The following SYNE2 variants were observed in gnomAD, a reference collection of about 807,000 sequenced individuals.
SYNE2 encodes the protein nesprin-2.
Under a neutral mutation model 856.3 loss-of-function variants are expected in SYNE2, and 431 were observed. The ratio of observed to expected loss-of-function variants is 0.50; its 90% CI spans 0.47 to 0.55. The LOEUF (loss-of-function observed/expected upper bound fraction) is 0.55. SYNE2 is among the 20% of genes least tolerant of loss of function. The pLI is 0.00. For synonymous variants in SYNE2, 2,923 were observed against 2,872.3 expected, an observed-to-expected ratio of 1.02 and a Z score of -0.56; for missense variants, 8,129 against 8,023.2, an observed-to-expected ratio of 1.01 and a Z score of -0.50.
intron 60 of SYNE2, among the ~76,000 whole-genome samples, chr14:64,092,514 A>T (rs1197179785): frequency 6.6e-6 from 1 of 152,236 alleles, no homozygotes; most frequent in Non-Finnish European, 1.5e-5. Context: ...CACAGTGAAC[A>T]TAGTTATTCA....
At chr14:64,175,643 T>TG (rs1191449911) in intron 95 of SYNE2, among the ~76,000 whole-genome samples, 1 of 152,238 alleles carries the variant, frequency 6.6e-6, no homozygotes, top group Non-Finnish European at 1.5e-5. Flanking sequence ...CTCCCTGAAC[T>TG]ACTGTGCTCT....
intron 27 of SYNE2, 134 bp from the exon 28 acceptor site, chr14:64,000,428 G>A: frequency 3.6e-6 from 3 of 829,010 alleles, no homozygotes; most frequent in Non-Finnish European, 6.0e-6. Context: ...TGGTTGGAAA[G>A]TATTTTTAAA....
chr14:63,856,716 A>G lies in SYNE2; in HGVS notation c.-52+3573A>G, dbSNP rs536832593. Reference sequence around the variant, plus strand: ...ACATGTACAAAGGATCTGTGTCATAATGCCCCCTTTCCTACTTTCATCAAA... The same window carrying G: ...ACATGTACAAAGGATCTGTGTCATAGTGCCCCCTTTCCTACTTTCATCAAA... On this transcript the variant is annotated intron_variant, in intron 1 of 115. Coordinates refer to ENST00000555002, the MANE Select transcript of SYNE2 (RefSeq NM_182914.3). Among the ~76,000 whole-genome samples the G allele has an allele frequency of 2.0e-5, 3 of 152,248 alleles. No homozygotes were observed. The East Asian group carries it at 5.8e-4, about 29-fold the overall frequency.
chr14:64,052,852 A>C lies in SYNE2; in HGVS notation c.8939A>C (p.Glu2980Ala), dbSNP rs758685071. The change falls in exon 48 of 116, where the codon GAG becomes GCG. Residue 2980 changes from glutamate to alanine, a missense_variant. Glu to Ala is a moderately radical substitution (Grantham distance 107). Transcript: ENST00000555002. ...GAAGTAAATAAAGGTGTTAAAGAGG[A>C]GATCTATAATCTTAAAGACAGACTC... Reference protein sequence around the residue: ...NQEVNKGVKEEIYNLKDRLTA... With the variant: ...NQEVNKGVKEAIYNLKDRLTA... 6.2e-7 allele frequency: 1 copy of C among 1,613,726 alleles called. No homozygotes were observed. The highest frequency in any genetic ancestry group is 1.1e-5 in the South Asian group (1 of 90,822).
chr14:63,967,788 A>G lies in SYNE2; in HGVS notation c.1070A>G (p.Asp357Gly). Residue 357 changes from aspartate (D) to glycine (G), a missense_variant, in exon 11 of 116, where the codon GAT (aspartate) becomes GGT (glycine). Physicochemically the swap from Asp to Gly is moderately conservative, Grantham distance 94. Transcript: ENST00000555002. ...LDVLSIKRDL[D>G]ELDKDHLQLR... Reference sequence around the variant, plus strand: ...GTCCTGTCAATAAAACGGGATCTGGATGAGCTGGACAAGGATCATTTACAG... The same window carrying G: ...GTCCTGTCAATAAAACGGGATCTGGGTGAGCTGGACAAGGATCATTTACAG... 6.2e-7 allele frequency: 1 copy of G among 1,614,166 alleles called. No individual in the cohort carries two copies. Among genetic ancestry groups the G allele is most frequent in the South Asian group, 1.1e-5 (1 of 91,080 alleles).
At chr14:63,875,727 C>T (rs1185937402) in intron 1 of SYNE2, among the ~76,000 whole-genome samples, 4 of 152,098 alleles carry the variant, frequency 2.6e-5, no homozygotes, top group African/African-American at 9.7e-5. Flanking sequence ...TAAACAATAA[C>T]AAATAAAATG....
At chr14:63,918,508 A>G (rs1005795646) in intron 2 of SYNE2, among the ~76,000 whole-genome samples, 1 of 152,258 alleles carries the variant, frequency 6.6e-6, no homozygotes, top group African/African-American at 2.4e-5. Context: ...ATGATTTATC[A>G]GAGATGGAAT....
rs1595160293 is a variant in SYNE2 at position 64,053,025 on chromosome 14, T to C, written c.9112T>C (p.Leu3038=). 1 of 1,613,544 alleles carries C rather than the reference T, an allele frequency of 6.2e-7. No homozygotes were observed. Among genetic ancestry groups the C allele is most frequent in the Non-Finnish European group, 8.5e-7 (1 of 1,179,912 alleles). The change falls in exon 48 of 116, where the codon TTG becomes CTG. Residue 3038 remains leucine, a synonymous_variant. Coordinates refer to ENST00000555002, the MANE Select transcript of SYNE2 (RefSeq NM_182914.3). ...EKELEEKIKQ[L]DTFEEEHGKY... ...GGAACTTGAAGAAAAAATTAAGCAG[T>C]TGGACACATTTGAGGAAGAACATGG...
rs1595815646 is a variant in SYNE2, at chr14:64,144,088, A to G, written c.15483+140A>G. On this transcript the variant is annotated intron_variant, in intron 83 of 115. Transcript: ENST00000555002. Reference sequence around the variant, plus strand: ...CAACTATAGCCCTTTTATAAATCCTATGTTTTAGCATTCTCCATTGGTACC... The same window carrying G: ...CAACTATAGCCCTTTTATAAATCCTGTGTTTTAGCATTCTCCATTGGTACC... The G allele has an allele frequency of 3.4e-5, 33 of 983,670 alleles. No individual in the cohort carries two copies. The South Asian group carries it at 3.9e-4, about 12-fold the overall frequency. 60.9% of individuals were successfully genotyped at this position (983,670 alleles called of 1,614,324 possible).
intron 80 of SYNE2, 84 bp from the exon 81 acceptor site, chr14:64,141,257 T>G (rs1258235259): frequency 1.2e-5 from 13 of 1,093,146 alleles, no homozygotes; most frequent in Non-Finnish European, 1.8e-5. Flanking sequence ...CTATGTTTAT[T>G]TGTTGACTCT....
At chr14:64,094,535 A>G (rs892992779) in intron 61 of SYNE2, among the ~76,000 whole-genome samples, 2 of 152,124 alleles carry the variant, frequency 1.3e-5, no homozygotes, top group African/African-American at 4.8e-5. Flanking sequence ...TTGCCATCAA[A>G]TTGATACAGG....
At chr14:64,100,353 A>G (rs945831791) in intron 63 of SYNE2, 16 of 151,190 alleles carry the variant, frequency 1.1e-4, no homozygotes, top group African/African-American at 3.6e-4. Context: ...TAAAAATTGT[A>G]TGCATTCAAA....
intron 45 of SYNE2, 23 bp from the exon 46 acceptor site, chr14:64,047,977 A>T: frequency 1.2e-6 from 2 of 1,611,948 alleles, no homozygotes; most frequent in South Asian, 2.2e-5. Flanking sequence ...CTATTCAGCA[A>T]TTAATCTTTT....
intron 2 of SYNE2, among the ~76,000 whole-genome samples, chr14:63,932,905 T>C (rs927756990): frequency 1.3e-5 from 2 of 152,108 alleles, no homozygotes; most frequent in African/African-American, 4.8e-5. Context: ...CTATCCTAGT[T>C]TAGCCAGAGA....
intron 85 of SYNE2, among the ~76,000 whole-genome samples, chr14:64,153,353 G>T (rs1331601530): frequency 1.3e-5 from 2 of 152,270 alleles, no homozygotes; most frequent in East Asian, 3.9e-4. Context: ...CAGAGGAAGA[G>T]AACTAAAAAT....
chr14:63,827,890 C>T (rs1168555226), intron 1 of SYNE2, among the ~76,000 whole-genome samples: 1 of 151,638 alleles, frequency 6.6e-6, no homozygotes, highest in East Asian at 1.9e-4. Context: ...TTTCAATTAA[C>T]AGCAGATTGA....
intron 1 of SYNE2, among the ~76,000 whole-genome samples, chr14:63,880,372 G>A (rs4902251): frequency 0.59 from 90,342 of 152,022 alleles, 27,077 homozygotes; most frequent in South Asian, 0.72. Flanking sequence ...GATTACAGGC[G>A]TGAGCCACCA....
intron 9 of SYNE2, among the ~76,000 whole-genome samples, chr14:63,962,163 C>G (rs1444748463): frequency 1.3e-5 from 2 of 152,008 alleles, no homozygotes; most frequent in Non-Finnish European, 2.9e-5. Context: ...TCAAGTGATT[C>G]TCGTGCCTCA....
intron 7 of SYNE2, among the ~76,000 whole-genome samples, chr14:63,950,798 AG>A (rs1452679411): frequency 1.3e-5 from 2 of 152,068 alleles, no homozygotes; most frequent in Non-Finnish European, 2.9e-5. Context: ...CTGGGACTAC[AG>A]GTGCACACCA....
Sources: allele counts gnomAD v4.1 joint callset (sites outside exome capture counted in the v4.1 genomes callset), GRCh38; gene constraint gnomAD v4.1.1; transcripts MANE v1.5; gene names NCBI Gene and HGNC (gene_info 2026-07-23, HGNC 2026-07-21).